ZNF407: variants seen among roughly 807,000 people sequenced by gnomAD.
ZNF407 encodes zinc finger protein 407.
In ZNF407, 17 loss-of-function variants were observed where a neutral mutation model predicts 131.2. The ratio of observed to expected loss-of-function variants is 0.13; its 90% CI spans 0.09 to 0.19. The LOEUF (loss-of-function observed/expected upper bound fraction) is 0.19. ZNF407 is among the 10% of genes least tolerant of loss of function. ZNF407 has a pLI of 1.00. For missense variants in ZNF407, 2,681 were observed against 2,830.6 expected, an observed-to-expected ratio of 0.95 and a Z score of 1.20; for synonymous variants, 1,156 against 1,062.0, an observed-to-expected ratio of 1.09 and a Z score of -1.72.
intron 4 of ZNF407, among the ~76,000 whole-genome samples, chr18:74,795,429 T>C (rs1214901615): frequency 1.3e-5 from 2 of 149,882 alleles, no homozygotes; most frequent in African/African-American, 5.1e-5. Context: ...TTCAAGCTAT[T>C]ACTCATCTAT....
At chr18:74,663,881 A>G (rs1985821100) in intron 3 of ZNF407, among the ~76,000 whole-genome samples, 1 of 152,214 alleles carries the variant, frequency 6.6e-6, no homozygotes, top group Non-Finnish European at 1.5e-5. Context: ...GTAAATTTCC[A>G]GATGACCAAA....
At chr18:75,062,268 C>G (rs774624078) in intron 8 of ZNF407, 1 of 152,260 alleles carries the variant, frequency 6.6e-6, no homozygotes, top group Non-Finnish European at 1.5e-5. Context: ...AATATTCTTT[C>G]CTGAATGTAT....
chr18:74,849,377 C>G (rs1407343183), intron 4 of ZNF407, among the ~76,000 whole-genome samples: 1 of 152,150 alleles, frequency 6.6e-6, no homozygotes, highest in Non-Finnish European at 1.5e-5. Context: ...TGCACCCCGC[C>G]GTTTCTTTGC....
chr18:75,054,224 G>C (rs1199813107), intron 8 of ZNF407, among the ~76,000 whole-genome samples: 1 of 152,218 alleles, frequency 6.6e-6, no homozygotes, highest in African/African-American at 2.4e-5. Flanking sequence ...ACCTCCGAAA[G>C]CTTTGCTGAT....
At chr18:74,730,247 C>T (rs931114398) in intron 3 of ZNF407, among the ~76,000 whole-genome samples, 1 of 152,182 alleles carries the variant, frequency 6.6e-6, no homozygotes, top group African/African-American at 2.4e-5. Flanking sequence ...ATTAAGGTTT[C>T]TCAGGTACAC....
At position 75,050,563 on chromosome 18, in the gene ZNF407, T is replaced by A. The variant is rs549659464; in HGVS notation, c.5429-12587T>A. On this transcript the variant is annotated intron_variant, in intron 8 of 8. Coordinates refer to ENST00000299687, the MANE Select transcript of ZNF407 (RefSeq NM_017757.3). Reference sequence around the variant, plus strand: ...GGCTGACATGAAGAGGCCAGTGACATCTGTACACACAGTGGGTTGTAGTAT... The same window carrying A: ...GGCTGACATGAAGAGGCCAGTGACAACTGTACACACAGTGGGTTGTAGTAT... Among the ~76,000 whole-genome samples the A allele has an allele frequency of 2.4e-4, 36 of 152,314 alleles. No homozygotes were observed. The South Asian group carries it at 3.5e-3, about 15-fold the overall frequency.
At chr18:74,673,274 A>G (rs1986223412) in intron 3 of ZNF407, among the ~76,000 whole-genome samples, 1 of 152,198 alleles carries the variant, frequency 6.6e-6, no homozygotes, top group Admixed American at 6.5e-5. Flanking sequence ...TTCTGAAGTC[A>G]GTTTCACGAT....
Position 75,018,775 on chromosome 18 carries a change from T to A in ZNF407, c.5429-44375T>A, listed in dbSNP as rs1048496390. Reference sequence around the variant, plus strand: ...AATAAATTGAGACCCTTTGTTTTACTTTTTTTAATTTCTGGAAAGTTTTAT... The same window carrying A: ...AATAAATTGAGACCCTTTGTTTTACATTTTTTAATTTCTGGAAAGTTTTAT... On this transcript the variant is annotated intron_variant, in intron 8 of 8. Transcript: ENST00000299687. Among the ~76,000 whole-genome samples, 3 of 152,112 alleles carry A rather than the reference T, an allele frequency of 2.0e-5. No individual in the cohort carries two copies. In the South Asian group the frequency reaches 6.2e-4, roughly 31 times the overall value.
At chr18:74,979,015 C>T (rs1406090961) in intron 8 of ZNF407, among the ~76,000 whole-genome samples, 1 of 152,088 alleles carries the variant, frequency 6.6e-6, no homozygotes, top group East Asian at 1.9e-4. Flanking sequence ...GGGAAAGGCT[C>T]ATCAAATGCT....
chr18:74,955,772 C>G (rs970620452), intron 8 of ZNF407, among the ~76,000 whole-genome samples: 1 of 152,134 alleles, frequency 6.6e-6, no homozygotes, highest in African/African-American at 2.4e-5. Flanking sequence ...TGCACATTCT[C>G]GACACATCTT....
At chr18:75,029,546 T>A (rs966229712) in intron 8 of ZNF407, among the ~76,000 whole-genome samples, 16 of 149,972 alleles carry the variant, frequency 1.1e-4, no homozygotes, top group Non-Finnish European at 1.9e-4. Flanking sequence ...GGGAGCACGC[T>A]CACCACCTTC....
At chr18:74,902,650 T>C (rs1280997142) in intron 7 of ZNF407, among the ~76,000 whole-genome samples, 1 of 152,208 alleles carries the variant, frequency 6.6e-6, no homozygotes, top group Non-Finnish European at 1.5e-5. Context: ...TCAAAGGTGA[T>C]CACAGAACTT....
At chr18:74,908,686 C>A (rs553718688) in intron 7 of ZNF407, among the ~76,000 whole-genome samples, 140 of 152,262 alleles carry the variant, frequency 9.2e-4, no homozygotes, top group Non-Finnish European at 1.4e-3. Context: ...AATTATCAGA[C>A]TCTTTCCTTA....
chr18:74,728,109 A>G (rs905746145), intron 3 of ZNF407, among the ~76,000 whole-genome samples: 4 of 152,190 alleles, frequency 2.6e-5, no homozygotes, highest in African/African-American at 7.2e-5. Flanking sequence ...TCTAATATAC[A>G]TTAGAAAAAA....
At chr18:74,857,737 G>C (rs1970878612) in intron 4 of ZNF407, among the ~76,000 whole-genome samples, 1 of 152,034 alleles carries the variant, frequency 6.6e-6, no homozygotes, top group South Asian at 2.1e-4. Context: ...AATTAATGAA[G>C]TACTGAGTAC....
chr18:74,843,673 C>A (rs1970664141), intron 4 of ZNF407, among the ~76,000 whole-genome samples: 1 of 152,128 alleles, frequency 6.6e-6, no homozygotes, highest in Non-Finnish European at 1.5e-5. Flanking sequence ...TGGAGAATCC[C>A]AAAATCTTGC....
At chr18:74,945,789 C>A (rs553899089) in intron 8 of ZNF407, among the ~76,000 whole-genome samples, 1 of 152,114 alleles carries the variant, frequency 6.6e-6, no homozygotes, top group Non-Finnish European at 1.5e-5. Context: ...AGGTGTCATA[C>A]AATAACATAG....
intron 8 of ZNF407, among the ~76,000 whole-genome samples, chr18:74,952,767 T>C (rs1972230535): frequency 6.6e-6 from 1 of 152,212 alleles, no homozygotes; most frequent in Non-Finnish European, 1.5e-5. Flanking sequence ...CTTGAAACCA[T>C]GGCCATAATT....
intron 7 of ZNF407, 52 bp downstream of exon 7, chr18:74,890,090 AAAAGCCCGTT>A: frequency 7.1e-7 from 1 of 1,414,546 alleles, no homozygotes; most frequent in Non-Finnish European, 9.2e-7. Flanking sequence ...ATGATGGATT[AAAAGCCCGTT>A]AAATCCCAAT....
Sources: gnomAD v4.1 joint callset for allele counts (sites outside exome capture counted in the v4.1 genomes callset) on GRCh38, gnomAD v4.1.1 for gene constraint, MANE v1.5 for transcripts, NCBI Gene and HGNC (gene_info 2026-07-23, HGNC 2026-07-21) for gene names.